TACC3: variants seen among roughly 807,000 people sequenced by gnomAD.
TACC3 encodes the protein transforming acidic coiled-coil containing protein 3, also known as transforming acidic coiled-coil-containing protein 3.
Under a neutral mutation model 86.0 loss-of-function variants are expected in TACC3, and 52 were observed. The ratio of observed to expected loss-of-function variants is 0.60; its 90% CI spans 0.48 to 0.76. TACC3 has a LOEUF of 0.76. TACC3 is among the 30% of genes least tolerant of loss of function. The pLI is 0.00. For missense variants in TACC3, 1,120 were observed against 1,070.4 expected (o/e 1.05, Z -0.65); for synonymous variants, 512 against 430.0 (o/e 1.19, Z -2.36).
At chr4:1,737,464 C>A in intron 9 of TACC3, 134 bp from the exon 10 acceptor site, 2 of 1,107,352 alleles carry the variant, frequency 1.8e-6, no homozygotes, top group South Asian at 1.5e-5. Flanking sequence ...GTGCTGTTCC[C>A]TCGCCGCACT....
chr4:1,740,038 CGA>C, intron 12 of TACC3, 36 bp downstream of exon 12: 1 of 1,610,324 alleles, frequency 6.2e-7, no homozygotes, highest in East Asian at 2.2e-5. Flanking sequence ...CGTGCCTCCA[CGA>C]GGGGCTGCCT....
intron 12 of TACC3, 59 bp downstream of exon 12, chr4:1,740,061 C>CT: frequency 6.4e-7 from 1 of 1,570,252 alleles, no homozygotes; most frequent in Non-Finnish European, 8.8e-7. Flanking sequence ...ATGCCCCACC[C>CT]TGGCCCTGCC....
At chr4:1,733,119 TC>T (rs1176938992) in intron 6 of TACC3, among the ~76,000 whole-genome samples, 1 of 152,164 alleles carries the variant, frequency 6.6e-6, no homozygotes, top group Non-Finnish European at 1.5e-5. Flanking sequence ...ATCCTAGACT[TC>T]CAGCGGGTGG....
Position 1,728,544 on chromosome 4 carries a change from TGGA to T in TACC3, c.1149_1151del (p.Glu383del), listed in dbSNP as rs756196162. The T allele has an allele frequency of 3.1e-6, 5 of 1,613,016 alleles. No homozygotes were observed. The highest frequency in any genetic ancestry group is 4.2e-6 in the Non-Finnish European group (5 of 1,179,810). On this transcript the variant is annotated inframe_deletion, in exon 4 of 16. Transcript: ENST00000313288. ...AGGCAGCAAAAGGCCCCGCAGGAGG[TGGA>T]GGAGGACGACGGTAGGAGCGGAGCA...
Position 1,737,257 on chromosome 4 carries a change from G to C in TACC3, c.1765G>C (p.Glu589Gln). 6.2e-7 allele frequency: 1 copy of C among 1,614,110 alleles called. No homozygotes were observed. Among genetic ancestry groups the C allele is most frequent in the Non-Finnish European group, 8.5e-7 (1 of 1,180,024 alleles). ...TGGTGGCAGCATGCACGGTGCAAAT[G>C]AGACTCCCTCAGGACGTCCGCGGGA... ...TETSSMHGANETPSGRPREAK... is the reference protein window; with the variant it reads ...TETSSMHGANQTPSGRPREAK... Residue 589 changes from glutamate (E) to glutamine (Q), a missense_variant, in exon 9 of 16, where the codon GAG (glutamate) becomes CAG (glutamine). Coordinates refer to ENST00000313288, the MANE Select transcript of TACC3 (RefSeq NM_006342.3).
At chr4:1,744,671 T>C in intron 14 of TACC3, 41 bp from the exon 15 acceptor site, 2 of 1,612,126 alleles carry the variant, frequency 1.2e-6, no homozygotes, top group African/African-American at 2.7e-5. Flanking sequence ...TCTGAGCACC[T>C]GGGCCCCAGC....
In TACC3 at chr4:1,723,850, G is replaced by A. The variant is rs554173041; in HGVS notation, c.285G>A (p.Pro95=). ...CCCTTGGACTGGAAAACTCACACCCGGTCTGGACACAGAAAGAGAAGTAAG... is the reference window on the plus strand; with the variant it reads ...CCCTTGGACTGGAAAACTCACACCCAGTCTGGACACAGAAAGAGAAGTAAG... ...DDTLGLENSH[P]VWTQKENQQL... The change falls in exon 3 of 16, where the codon CCG becomes CCA. Residue 95 remains proline, a synonymous_variant. Coordinates refer to ENST00000313288, the MANE Select transcript of TACC3 (RefSeq NM_006342.3). 10 of 1,613,378 alleles carry A rather than the reference G, an allele frequency of 6.2e-6. No individual in the cohort carries two copies. Among genetic ancestry groups the A allele is most frequent in the East Asian group, 2.2e-5 (1 of 44,890 alleles).
At chr4:1,731,016 T>A in intron 5 of TACC3, 54 bp downstream of exon 5, 2 of 1,604,908 alleles carry the variant, frequency 1.2e-6, no homozygotes, top group Non-Finnish European at 1.7e-6. Flanking sequence ...TGTAGAAGAG[T>A]AGCAGGCAGT....
Position 1,735,605 on chromosome 4 carries a change from G to T in TACC3, c.1645-126G>T. 1.2e-6 allele frequency: 1 copy of T among 813,420 alleles called. No homozygotes were observed. The highest frequency in any genetic ancestry group is 2.5e-5 in the East Asian group (1 of 40,238). 50.4% of individuals were successfully genotyped at this position (813,420 alleles called of 1,614,324 possible). A position where few individuals can be genotyped will look rare whatever the true frequency, so the allele number is the denominator to read the frequency against. ...GGTGGTGTCTCGGGCAGGGTTGTGG[G>T]TGACCGGGGGTGGGAGTGTGCGGGT... On this transcript the variant is annotated intron_variant, in intron 7 of 15. Transcript: ENST00000313288. The surrounding 1 kb of genome is among the most constrained non-coding windows in gnomAD (Gnocchi z 4.2).
chr4:1,721,101 G>C (rs867341081), upstream of TACC3: 2 of 263,084 alleles, frequency 7.6e-6, no homozygotes, highest in African/African-American at 4.5e-5. Flanking sequence ...ATGGAGTCCC[G>C]CCGCTCGGCC....
rs1445087550 is a variant in TACC3, at chr4:1,723,706, TCTC to T, written c.163-15_163-13del. The T allele has an allele frequency of 1.2e-6, 2 of 1,613,304 alleles. No homozygotes were observed. The highest frequency in any genetic ancestry group is 1.7e-6 in the Non-Finnish European group (2 of 1,179,964). On this transcript the variant is annotated intron_variant, in intron 2 of 15. Transcript: ENST00000313288. ...ACAGCTTGAACTAATGAATAGGTGC[TCTC>T]CTCCTCACTCCGCAACAGGTGACTT...
At chr4:1,740,630 G>A (rs1195266847) in intron 12 of TACC3, 196 bp from the exon 13 acceptor site, 3 of 556,522 alleles carry the variant, frequency 5.4e-6, no homozygotes, top group Non-Finnish European at 6.4e-6. Context: ...TGATGTGGAG[G>A]AAACAGCTGT....
At position 1,737,624 on chromosome 4, in the gene TACC3, C is replaced by T. The variant is rs569974352; in HGVS notation, c.1863C>T (p.Pro621=). ...IPVPGPPPGV[P]APGGPPLSTG... ...TGCCAGGCCCACCCCCAGGTGTTCC[C>T]GCGCCTGGGGGCCCACCCCTGTCCA... Residue 621 remains proline, a synonymous_variant, in exon 10 of 16, where the codon CCC becomes CCT. Transcript: ENST00000313288. The T allele has an allele frequency of 3.8e-5, 58 of 1,527,902 alleles. No individual in the cohort carries two copies. The highest frequency in any genetic ancestry group is 2.7e-4 in the South Asian group (22 of 81,364). 94.6% of individuals were successfully genotyped at this position (1,527,902 alleles called of 1,614,324 possible).
At chr4:1,733,848 C>G (rs757663963) in intron 6 of TACC3, among the ~76,000 whole-genome samples, 6 of 152,068 alleles carry the variant, frequency 3.9e-5, no homozygotes, top group Middle Eastern at 3.4e-3. Context: ...TGTGTTGGCA[C>G]ATGCCTGTAA....
At chr4:1,744,924 C>G in intron 15 of TACC3, 24 bp from the exon 16 acceptor site, 1 of 1,611,724 alleles carries the variant, frequency 6.2e-7, no homozygotes, top group Non-Finnish European at 8.5e-7. Context: ...GGGAGAAGCC[C>G]CGCAACTCAT....
intron 10 of TACC3, 122 bp from the exon 11 acceptor site, chr4:1,739,580 G>A: frequency 2.2e-6 from 2 of 906,616 alleles, no homozygotes; most frequent in Non-Finnish European, 3.4e-6. Flanking sequence ...GCCCCACATG[G>A]AACTGTGCCT....
intron 4 of TACC3, 152 bp from the exon 5 acceptor site, chr4:1,730,735 T>G: frequency 1.1e-6 from 1 of 918,838 alleles, no homozygotes; most frequent in Non-Finnish European, 1.8e-6. Context: ...CCAGGTCGCT[T>G]GGGACAGCCC....
rs1251762145 is a variant in TACC3, at chr4:1,745,000, TG to T, written c.2506del (p.Glu836ArgfsTer22). On this transcript the variant is annotated frameshift_variant, in exon 16 of 16. Coordinates refer to ENST00000313288, the MANE Select transcript of TACC3 (RefSeq NM_006342.3). LOFTEE classifies it high-confidence loss of function. ...ATCTGCGACGACCTCATCTCCAAGA[TG>T]GAGAAGATCTGACCTCCACGGAGCC... ...TRICDDLISK[M>X]EKI 1 of 1,609,114 alleles carries T rather than the reference TG, an allele frequency of 6.2e-7. No homozygotes were observed. Among genetic ancestry groups the T allele is most frequent in the Non-Finnish European group, 8.5e-7 (1 of 1,178,424 alleles).
In TACC3 at chr4:1,735,114, C is replaced by T. The variant is rs1395319092; in HGVS notation, c.1592-159C>T. Among the ~76,000 whole-genome samples the T allele has an allele frequency of 2.0e-5, 3 of 152,182 alleles. No individual in the cohort carries two copies. The highest frequency in any genetic ancestry group is 2.1e-4 in the South Asian group (1 of 4,832). On this transcript the variant is annotated intron_variant, in intron 6 of 15. Coordinates refer to ENST00000313288, the MANE Select transcript of TACC3 (RefSeq NM_006342.3). This position sits in a 1 kb window ranked among gnomAD's most constrained non-coding sequence, Gnocchi z 4.2. The stretch of plus-strand genomic sequence containing the variant: ...CCTGCGGTGCCCAGGAGGCGCCTGC[C>T]GCAGACAGCAGTCAGGCCCCGAACA...
Sources: gnomAD v4.1 joint callset for allele counts (sites outside exome capture counted in the v4.1 genomes callset) on GRCh38, gnomAD v4.1.1 for gene constraint, Gnocchi (gnomAD v3.1) non-coding constraint, MANE v1.5 for transcripts, NCBI Gene and HGNC (gene_info 2026-07-23, HGNC 2026-07-21) for gene names.